PRDM1: variants seen among roughly 807,000 people sequenced by gnomAD.
PRDM1 encodes PR domain zinc finger protein 1.
In PRDM1, 13 loss-of-function variants were observed where a neutral mutation model predicts 62.8. The ratio of observed to expected loss-of-function variants is 0.21; its 90% CI spans 0.13 to 0.33. PRDM1 has a LOEUF of 0.33. PRDM1 is among the 10% of genes least tolerant of loss of function. The pLI, the probability that PRDM1 is intolerant of heterozygous loss-of-function variation, is 1.00. For synonymous variants in PRDM1, 396 were observed against 417.6 expected, an observed-to-expected ratio of 0.95 and a Z score of 0.63; for missense variants, 895 against 1,058.8, an observed-to-expected ratio of 0.85 and a Z score of 2.15.
upstream of PRDM1, among the ~76,000 whole-genome samples, chr6:106,048,379 T>A (rs1773112796): frequency 6.6e-6 from 1 of 151,128 alleles, no homozygotes; most frequent in Non-Finnish European, 1.5e-5. Flanking sequence ...AGAGACAGTG[T>A]CTCAAAAAAA....
intron 1 of PRDM1, among the ~76,000 whole-genome samples, chr6:106,068,577 A>G (rs1773468473): frequency 2.0e-5 from 3 of 152,178 alleles, no homozygotes; most frequent in Non-Finnish European, 1.5e-5. Context: ...ACTTTCCAAA[A>G]GCATGGTTAA....
intron 4 of PRDM1, 133 bp from the exon 5 acceptor site, chr6:106,104,692 T>G: frequency 8.4e-7 from 1 of 1,191,030 alleles, no homozygotes. Context: ...TGAGAGTGCG[T>G]TGGAAGCCAG....
chr6:106,058,787 C>T (rs945648504), intron 1 of PRDM1, among the ~76,000 whole-genome samples: 1 of 152,114 alleles, frequency 6.6e-6, no homozygotes, highest in Non-Finnish European at 1.5e-5. Context: ...TCAGGCTGGT[C>T]TTGAACTCCC....
At chr6:106,079,154 G>A (rs931652138) in intron 1 of PRDM1, among the ~76,000 whole-genome samples, 7 of 151,774 alleles carry the variant, frequency 4.6e-5, no homozygotes, top group Admixed American at 2.6e-4. Context: ...TAGTAGAGAC[G>A]GGGTTTCACC....
Position 105,994,161 on chromosome 6 carries a change from C to T in PRDM1, c.-67+522C>T, listed in dbSNP as rs747176819. Among the ~76,000 whole-genome samples, 1 of 152,054 alleles carries T rather than the reference C, an allele frequency of 6.6e-6. No homozygotes were observed. The highest frequency in any genetic ancestry group is 1.5e-5 in the Non-Finnish European group (1 of 67,992). Reference sequence around the variant, plus strand: ...GAAGAGCCCGCGCTGCTGGGCTGGGCTCGGGTGCCGCGCTGGGGACGCCGC... The same window carrying T: ...GAAGAGCCCGCGCTGCTGGGCTGGGTTCGGGTGCCGCGCTGGGGACGCCGC... On this transcript the variant is annotated intron_variant, in intron 1 of 6. Coordinates refer to the PRDM1 transcript ENST00000652320. This position sits in a 1 kb window ranked among gnomAD's most constrained non-coding sequence, Gnocchi z 4.1.
intron 1 of PRDM1, among the ~76,000 whole-genome samples, chr6:106,038,781 G>A (rs959733179): frequency 1.3e-5 from 2 of 152,208 alleles, no homozygotes; most frequent in African/African-American, 4.8e-5. Context: ...CTGCTGCTGA[G>A]TTAAGAGCTG....
intron 1 of PRDM1, among the ~76,000 whole-genome samples, chr6:106,023,082 T>C (rs1269419958): frequency 1.2e-4 from 18 of 152,168 alleles, no homozygotes; most frequent in African/African-American, 4.3e-4. Flanking sequence ...TCCTTCATCT[T>C]TTCCAGTGTT....
chr6:106,040,109 G>A (rs1294689234), intron 1 of PRDM1, among the ~76,000 whole-genome samples: 1 of 152,238 alleles, frequency 6.6e-6, no homozygotes, highest in Non-Finnish European at 1.5e-5. Flanking sequence ...TGATTAAGCA[G>A]CCAAATGTTT....
chr6:106,017,483 A>T (rs1375061863), intron 1 of PRDM1, among the ~76,000 whole-genome samples: 3 of 152,174 alleles, frequency 2.0e-5, no homozygotes, highest in African/African-American at 7.2e-5. Flanking sequence ...CTGGCCTTAG[A>T]GGGTGACCTG....
rs371291486 is a variant in PRDM1 at position 106,011,190 on chromosome 6, A to T, written c.-67+17551A>T. ...AAAGAATTAAATTACATTGCTATAGATATTACCGAAGATGTACCGAAGACT... is the reference window on the plus strand; with the variant it reads ...AAAGAATTAAATTACATTGCTATAGTTATTACCGAAGATGTACCGAAGACT... On this transcript the variant is annotated intron_variant, in intron 1 of 6. Transcript: ENST00000652320. 1.2e-4 allele frequency among the ~76,000 whole-genome samples: 18 copies of T among 152,286 alleles called. No homozygotes were observed. In the East Asian group the frequency reaches 1.4e-3, roughly 11 times the overall value.
intron 1 of PRDM1, among the ~76,000 whole-genome samples, chr6:106,079,060 A>G (rs1192094998): frequency 6.6e-6 from 1 of 151,976 alleles, no homozygotes; most frequent in Non-Finnish European, 1.5e-5. Context: ...TCTCGGGTTC[A>G]AGCGATTCTC....
Position 106,104,369 on chromosome 6 carries a change from G to A in PRDM1, c.665-456G>A, listed in dbSNP as rs9486278. On this transcript the variant is annotated intron_variant, in intron 4 of 6. Coordinates refer to ENST00000369096, the MANE Select transcript of PRDM1 (RefSeq NM_001198.4). The stretch of plus-strand genomic sequence containing the variant: ...TGGGATTACAGGTGTGCGCCACCAC[G>A]CCCAGCTAATTTTGTATTTTTAGTA... 2.9e-3 allele frequency among the ~76,000 whole-genome samples: 439 copies of A among 152,122 alleles called. 1 individual carries two copies. Among genetic ancestry groups the A allele is most frequent in the African/African-American group, 0.01 (425 of 41,474 alleles).
At chr6:106,041,227 C>CT (rs11373480) in intron 1 of PRDM1, among the ~76,000 whole-genome samples, 138,306 of 152,238 alleles carry the variant, frequency 0.91, 62,951 homozygotes, top group African/African-American at 0.95. Context: ...TGTCATTGTT[C>CT]TTTGAGAGAA....
At chr6:106,062,538 TA>T (rs1399328982) in intron 1 of PRDM1, among the ~76,000 whole-genome samples, 2 of 152,182 alleles carry the variant, frequency 1.3e-5, no homozygotes, top group Non-Finnish European at 1.5e-5. Context: ...GTGGGATGTA[TA>T]CAAAAAATAT....
At position 106,086,488 on chromosome 6, in the gene PRDM1, G is replaced by A; in HGVS notation, c.-66G>A. 5 of 1,483,316 alleles carry A rather than the reference G, an allele frequency of 3.4e-6. No individual in the cohort carries two copies. The highest frequency in any genetic ancestry group is 4.6e-6 in the Non-Finnish European group (5 of 1,089,480). 91.9% of individuals were successfully genotyped at this position (1,483,316 alleles called of 1,614,324 possible). A position where few individuals can be genotyped will look rare whatever the true frequency, so the allele number is the denominator to read the frequency against. ...GGACCGCCGAGGTGCGCGTCTGTGCGGCTCAGCCTGGCGGGGGACGCGGGG... is the reference window on the plus strand; with the variant it reads ...GGACCGCCGAGGTGCGCGTCTGTGCAGCTCAGCCTGGCGGGGGACGCGGGG... On this transcript the variant is annotated 5_prime_UTR_variant, in exon 1 of 7. Coordinates refer to ENST00000369096, the MANE Select transcript of PRDM1 (RefSeq NM_001198.4).
At chr6:106,098,975 C>G in intron 3 of PRDM1, 1 of 1,561,176 alleles carries the variant, frequency 6.4e-7, no homozygotes, top group Non-Finnish European at 8.7e-7. Context: ...ACTGCAGTAG[C>G]AAAAGTAGTA....
upstream of PRDM1, among the ~76,000 whole-genome samples, chr6:106,046,984 T>C (rs1773087848): frequency 6.6e-6 from 1 of 152,222 alleles, no homozygotes; most frequent in African/African-American, 2.4e-5. Context: ...TGCAGGTCTT[T>C]ATCACTTCTT....
At chr6:106,022,501 T>C (rs1256293377) in intron 1 of PRDM1, among the ~76,000 whole-genome samples, 1 of 151,392 alleles carries the variant, frequency 6.6e-6, no homozygotes, top group East Asian at 1.9e-4. Context: ...TGATCTCGGC[T>C]CACTGCAACC....
rs776634446 is a variant in PRDM1, at chr6:106,099,117, AC to A, written c.412-181del. 10 of 1,613,180 alleles carry A rather than the reference AC, an allele frequency of 6.2e-6. No homozygotes were observed. The East Asian group carries it at 2.2e-4, about 36-fold the overall frequency. On this transcript the variant is annotated intron_variant, in intron 3 of 6. Coordinates refer to ENST00000369096, the MANE Select transcript of PRDM1 (RefSeq NM_001198.4). ...AAGGTAACTGACAAAAGTGTGCCTT[AC>A]CTGTTTCCGCCCTGATTTCTGCTGA... is the stretch of plus-strand genomic sequence containing the variant.
Sources: gnomAD v4.1 joint callset for allele counts (sites outside exome capture counted in the v4.1 genomes callset) on GRCh38, gnomAD v4.1.1 for gene constraint, Gnocchi (gnomAD v3.1) non-coding constraint, MANE v1.5 for transcripts, NCBI Gene and HGNC (gene_info 2026-07-23, HGNC 2026-07-21) for gene names.